Variants in ASIC2 observed in about 807,000 individuals in gnomAD.
The protein encoded by ASIC2 is acid sensing ion channel subunit 2, also known as acid-sensing ion channel 2.
A neutral mutation model predicts 57.3 loss-of-function variants in ASIC2; 25 were observed. The ratio of observed to expected loss-of-function variants is 0.44; its 90% CI spans 0.32 to 0.61. The LOEUF (loss-of-function observed/expected upper bound fraction) is 0.61. Among genes scored for constraint, ASIC2 ranks in the 20% least tolerant of loss-of-function variants. The probability of loss-of-function intolerance (pLI) is 0.06; values close to 1 mark genes in which losing one functional copy is unlikely to be tolerated. For missense variants in ASIC2, 641 were observed against 738.1 expected, an observed-to-expected ratio of 0.87 and a Z score of 1.52; for synonymous variants, 319 against 307.5, an observed-to-expected ratio of 1.04 and a Z score of -0.39.
At chr17:33,063,718 G>A (rs1289768224) in intron 3 of ASIC2, among the ~76,000 whole-genome samples, 1 of 152,196 alleles carries the variant, frequency 6.6e-6, no homozygotes. Flanking sequence ...TGCCTTGCTA[G>A]GTTGGGGAAT....
At chr17:34,026,975 T>C (rs1051928084) in intron 1 of ASIC2, among the ~76,000 whole-genome samples, 27 of 152,178 alleles carry the variant, frequency 1.8e-4, no homozygotes, top group African/African-American at 5.3e-4. Flanking sequence ...AAAAAGAAAA[T>C]TGGCCTCCAG....
chr17:33,980,191 A>G (rs1422625228), intron 1 of ASIC2, among the ~76,000 whole-genome samples: 1 of 152,150 alleles, frequency 6.6e-6, no homozygotes, highest in African/African-American at 2.4e-5. Context: ...AGAGACAAAT[A>G]GGTGCTGGGA....
rs1209301295 is a variant in ASIC2, at chr17:33,291,885, C to G, written c.231G>C (p.Thr77=). 6.2e-7 allele frequency: 1 copy of G among 1,605,256 alleles called. No individual in the cohort carries two copies. The highest frequency in any genetic ancestry group is 8.5e-7 in the Non-Finnish European group (1 of 1,178,886). Residue 77 remains threonine, a synonymous_variant, in exon 1 of 10, where the codon ACG becomes ACC. Coordinates refer to ENST00000225823, the MANE Select transcript of ASIC2 (RefSeq NM_183377.2). ...HGLRHMCAGR[T]AAGGSFQRRA... ...GCCGCTGGAAGGAGCCCCCAGCCGCCGTGCGCCCGGCACACATGTGCCGCA... is the reference window on the plus strand; with the variant it reads ...GCCGCTGGAAGGAGCCCCCAGCCGCGGTGCGCCCGGCACACATGTGCCGCA...
intron 3 of ASIC2, among the ~76,000 whole-genome samples, chr17:33,062,030 C>A (rs925431951): frequency 6.6e-6 from 1 of 151,908 alleles, no homozygotes; most frequent in Non-Finnish European, 1.5e-5. Context: ...TTTTTTATTG[C>A]GTCTATTTGA....
intron 1 of ASIC2, among the ~76,000 whole-genome samples, chr17:33,312,618 A>G (rs778465852): frequency 2.9e-4 from 44 of 152,136 alleles, no homozygotes; most frequent in Non-Finnish European, 5.6e-4. Context: ...AGAAGTAAAT[A>G]TATCCATAAA....
chr17:33,250,637 C>T (rs1908849219), intron 1 of ASIC2, among the ~76,000 whole-genome samples: 1 of 152,200 alleles, frequency 6.6e-6, no homozygotes, highest in African/African-American at 2.4e-5. Flanking sequence ...TGGTCATTTC[C>T]ATATTTTTGT....
chr17:33,889,436 T>C (rs1032416076), intron 1 of ASIC2, among the ~76,000 whole-genome samples: 3 of 152,204 alleles, frequency 2.0e-5, no homozygotes, highest in Non-Finnish European at 4.4e-5. Flanking sequence ...TCAGAGGTAA[T>C]TTACTGTGAA....
At chr17:33,028,220 G>T in intron 4 of ASIC2, 22 bp downstream of exon 4, 1 of 1,612,742 alleles carries the variant, frequency 6.2e-7, no homozygotes, top group South Asian at 1.1e-5. Flanking sequence ...GGGCCCTGTG[G>T]CCACCCTGCC....
chr17:33,404,132 G>A (rs1306154335), intron 1 of ASIC2, among the ~76,000 whole-genome samples: 1 of 152,226 alleles, frequency 6.6e-6, no homozygotes, highest in Non-Finnish European at 1.5e-5. Context: ...AGGTTCAAAT[G>A]ATAGAGTAAA....
At chr17:33,554,358 A>G (rs1190441928) in intron 1 of ASIC2, among the ~76,000 whole-genome samples, 4 of 150,148 alleles carry the variant, frequency 2.7e-5, no homozygotes, top group Non-Finnish European at 4.5e-5. Flanking sequence ...CACTGCTTAT[A>G]TGTGTGTGTG....
intron 1 of ASIC2, among the ~76,000 whole-genome samples, chr17:33,271,697 C>A (rs1177453056): frequency 4.6e-5 from 7 of 152,218 alleles, no homozygotes; most frequent in Non-Finnish European, 7.3e-5. Flanking sequence ...TAGTCCAGTC[C>A]ACCAGCATCT....
chr17:33,447,825 C>A (rs1441196937), intron 1 of ASIC2, among the ~76,000 whole-genome samples: 3 of 147,908 alleles, frequency 2.0e-5, no homozygotes, highest in African/African-American at 7.5e-5. Flanking sequence ...CTATTTTACA[C>A]TTCAAAATAG....
intron 1 of ASIC2, among the ~76,000 whole-genome samples, chr17:33,113,113 A>G (rs1197501761): frequency 6.6e-6 from 1 of 152,190 alleles, no homozygotes; most frequent in African/African-American, 2.4e-5. Flanking sequence ...GTATGATTAC[A>G]AAGAGGCCCC....
At chr17:33,791,736 C>G (rs1332724901) in intron 1 of ASIC2, 2 of 151,770 alleles carry the variant, frequency 1.3e-5, no homozygotes, top group Non-Finnish European at 2.9e-5. Flanking sequence ...AATAATAGTA[C>G]TAATAATCAT....
At position 33,029,591 on chromosome 17, in the gene ASIC2, T is replaced by C. The variant is rs1472800532; in HGVS notation, c.988-1199A>G. Among the ~76,000 whole-genome samples, 5 of 152,260 alleles carry C rather than the reference T, an allele frequency of 3.3e-5. No individual in the cohort carries two copies. The East Asian group carries it at 9.6e-4, about 29-fold the overall frequency. Reference sequence around the variant, plus strand: ...GTAATCATGAAAAAACTCCTATGAATATTTATACATAAGTCATTTTGTGGA... The same window carrying C: ...GTAATCATGAAAAAACTCCTATGAACATTTATACATAAGTCATTTTGTGGA... On this transcript the variant is annotated intron_variant, in intron 3 of 9. Transcript: ENST00000225823.
chr17:33,965,775 T>C lies in ASIC2; in HGVS notation c.555+190203A>G, dbSNP rs531594101. ...TGCACACTCTTGATGAACCTCACTC[T>C]GCTGCTTCTTGTAGTATTTTCTCAC... is the stretch of plus-strand genomic sequence containing the variant. On this transcript the variant is annotated intron_variant, in intron 1 of 9. Transcript: ENST00000359872. Among the ~76,000 whole-genome samples the C allele has an allele frequency of 2.6e-5, 4 of 152,354 alleles. No homozygotes were observed. In the East Asian group the frequency reaches 7.7e-4, roughly 29 times the overall value.
intron 1 of ASIC2, among the ~76,000 whole-genome samples, chr17:34,122,186 C>CA (rs1204767412): frequency 8.5e-5 from 13 of 152,188 alleles, no homozygotes; most frequent in African/African-American, 3.1e-4. Flanking sequence ...TGCATCATTT[C>CA]ATTTCCTTTT....
At chr17:33,962,249 G>T (rs535670396) in intron 1 of ASIC2, among the ~76,000 whole-genome samples, 1 of 152,284 alleles carries the variant, frequency 6.6e-6, no homozygotes, top group African/African-American at 2.4e-5. Flanking sequence ...AGTAAACATA[G>T]GGTTCTTTGG....
chr17:33,331,959 C>G (rs1353008523), intron 1 of ASIC2, among the ~76,000 whole-genome samples: 2 of 152,190 alleles, frequency 1.3e-5, no homozygotes, highest in Non-Finnish European at 2.9e-5. Context: ...GACATCATAC[C>G]CTTCCCTGGA....
Sources: gnomAD v4.1 joint callset for allele counts (sites outside exome capture counted in the v4.1 genomes callset) on GRCh38, gnomAD v4.1.1 for gene constraint, MANE v1.5 for transcripts, NCBI Gene and HGNC (gene_info 2026-07-23, HGNC 2026-07-21) for gene names.